Variants in RAMP3 observed in about 807,000 individuals in gnomAD.
The protein encoded by RAMP3 is receptor activity-modifying protein 3.
In RAMP3, 14 loss-of-function variants were observed where a neutral mutation model predicts 13.5. That is an observed-to-expected ratio of 1.04 (90% CI 0.69 to 1.63). The LOEUF is 1.63. Ranked by LOEUF, RAMP3 falls within the 40% of genes most tolerant of loss-of-function variation. The pLI, the probability that RAMP3 is intolerant of heterozygous loss-of-function variation, is 0.00. For synonymous variants in RAMP3, 106 were observed against 88.3 expected (o/e 1.20, Z -1.12); for missense variants, 200 against 204.8 (o/e 0.98, Z 0.14).
chr7:45,173,636 T>A (rs1384181908), intron 1 of RAMP3, among the ~76,000 whole-genome samples: 1 of 151,434 alleles, frequency 6.6e-6, no homozygotes, highest in African/African-American at 2.4e-5. Flanking sequence ...TGAGCCCTGA[T>A]GGGCTTTGGG....
At chr7:45,160,071 G>A (rs943801679) in intron 1 of RAMP3, among the ~76,000 whole-genome samples, 5 of 152,040 alleles carry the variant, frequency 3.3e-5, no homozygotes, top group African/African-American at 9.7e-5. Context: ...GGTGGCTCAC[G>A]CCTGTAATCC....
intron 1 of RAMP3, among the ~76,000 whole-genome samples, chr7:45,173,951 G>A (rs566770970): frequency 1.3e-5 from 2 of 152,234 alleles, no homozygotes; most frequent in Non-Finnish European, 2.9e-5. Flanking sequence ...CGACAGCAGG[G>A]GAGCAGTGGG....
At chr7:45,161,011 T>C (rs998131772) in intron 1 of RAMP3, among the ~76,000 whole-genome samples, 1 of 152,248 alleles carries the variant, frequency 6.6e-6, no homozygotes, top group African/African-American at 2.4e-5. Flanking sequence ...GCCTGCCTTG[T>C]GCAGGCCCAG....
In RAMP3 at chr7:45,183,555, C is replaced by T; in HGVS notation, c.*143C>T. ...ATGGGCAGACCCCTCCCTTCCTGGG[C>T]TGACCTGCTCCCTCGAGGCCAGCCT... On this transcript the variant is annotated 3_prime_UTR_variant, in exon 3 of 3. Transcript: ENST00000242249. 1 of 1,240,426 alleles carries T rather than the reference C, an allele frequency of 8.1e-7. No homozygotes were observed. The highest frequency in any genetic ancestry group is 1.4e-5 in the South Asian group (1 of 72,390). The allele number at this position is 1,240,426 out of a possible 1,614,324, so 76.8% of individuals were successfully genotyped here.
chr7:45,169,195 G>A (rs11762964), intron 1 of RAMP3, among the ~76,000 whole-genome samples: 39,997 of 152,008 alleles, frequency 0.26, 6,385 homozygotes, highest in African/African-American at 0.44. Flanking sequence ...AGGTTTTTAC[G>A]TATATATTCA....
chr7:45,161,071 T>A (rs999941872), intron 1 of RAMP3, among the ~76,000 whole-genome samples: 2 of 152,050 alleles, frequency 1.3e-5, no homozygotes, highest in Non-Finnish European at 2.9e-5. Context: ...GGTAGAGGAG[T>A]TATCCCAGAA....
intron 2 of RAMP3, among the ~76,000 whole-genome samples, chr7:45,179,831 T>C (rs1786267209): frequency 6.6e-6 from 1 of 152,110 alleles, no homozygotes; most frequent in South Asian, 2.1e-4. Flanking sequence ...GACCCTGGAA[T>C]ATCAGAGCTG....
chr7:45,173,235 T>C (rs1786114517), intron 1 of RAMP3, among the ~76,000 whole-genome samples: 1 of 152,248 alleles, frequency 6.6e-6, no homozygotes, highest in Non-Finnish European at 1.5e-5. Context: ...AGGCTTTCAG[T>C]TGTTTTCAGT....
In RAMP3 at chr7:45,157,864, C is replaced by T. The variant is rs1256328028; in HGVS notation, c.36C>T (p.Leu12=). Residue 12 remains leucine (L), a synonymous_variant, in exon 1 of 3, where the codon CTC becomes CTT. Transcript: ENST00000242249. ...GAGCGCTGCGGCGCCCGCAACTTCT[C>T]CCGTTGCTGCTGCTGCTCTGCGGTA... ...ETGALRRPQL[L]PLLLLLCGGC... 5 of 1,411,616 alleles carry T rather than the reference C, an allele frequency of 3.5e-6. No individual in the cohort carries two copies. The South Asian group carries it at 4.8e-5, about 13-fold the overall frequency. The allele number at this position is 1,411,616 out of a possible 1,614,324, so 87.4% of individuals were successfully genotyped here. A position where few individuals can be genotyped will look rare whatever the true frequency, so the allele number is the denominator to read the frequency against.
At chr7:45,166,711 C>A (rs1785969225) in intron 1 of RAMP3, among the ~76,000 whole-genome samples, 1 of 152,040 alleles carries the variant, frequency 6.6e-6, no homozygotes, top group South Asian at 2.1e-4. Flanking sequence ...TTTTTGGTGT[C>A]ATGTATAAGA....
At chr7:45,167,895 C>A (rs1321277703) in intron 1 of RAMP3, among the ~76,000 whole-genome samples, 1 of 152,022 alleles carries the variant, frequency 6.6e-6, no homozygotes, top group African/African-American at 2.4e-5. Context: ...CAACTTTGTT[C>A]TTTTTCATGA....
chr7:45,181,763 T>C (rs948190149), intron 2 of RAMP3, among the ~76,000 whole-genome samples: 6 of 152,166 alleles, frequency 3.9e-5, no homozygotes, highest in African/African-American at 1.4e-4. Flanking sequence ...GTGTCTCTAA[T>C]GCCTGGGCAT....
chr7:45,182,812 C>T (rs532388341), intron 2 of RAMP3, among the ~76,000 whole-genome samples: 201 of 152,238 alleles, frequency 1.3e-3, no homozygotes, highest in African/African-American at 4.6e-3. Flanking sequence ...ATCCAGGCAC[C>T]CTTTGGCCCT....
At chr7:45,182,465 G>T (rs1786335838) in intron 2 of RAMP3, among the ~76,000 whole-genome samples, 1 of 152,180 alleles carries the variant, frequency 6.6e-6, no homozygotes, top group South Asian at 2.1e-4. Flanking sequence ...CCCTTGGTCA[G>T]CATGAGGACT....
chr7:45,170,616 C>T (rs1422470099), intron 1 of RAMP3, among the ~76,000 whole-genome samples: 3 of 148,472 alleles, frequency 2.0e-5, no homozygotes, highest in South Asian at 2.1e-4. Flanking sequence ...GGATTACAGG[C>T]GTGAGCCTCT....
intron 2 of RAMP3, 60 bp downstream of exon 2, chr7:45,177,501 C>T: frequency 1.9e-6 from 3 of 1,606,126 alleles, no homozygotes; most frequent in South Asian, 1.1e-5. Context: ...ACTGCCCAAC[C>T]ACTGCCTGAC....
chr7:45,182,211 C>G lies in RAMP3; in HGVS notation c.192-946C>G, dbSNP rs143744562. On this transcript the variant is annotated intron_variant, in intron 2 of 2. Transcript: ENST00000242249. Reference sequence around the variant, plus strand: ...GGGGAAGCCGAGGCAGGACCCTTCACACTCCTGCATCTGTACTCATGCAGC... The same window carrying G: ...GGGGAAGCCGAGGCAGGACCCTTCAGACTCCTGCATCTGTACTCATGCAGC... Among the ~76,000 whole-genome samples the G allele has an allele frequency of 1.5e-4, 23 of 152,290 alleles. 1 individual carries two copies. Among genetic ancestry groups the G allele is most frequent in the South Asian group, 6.2e-4 (3 of 4,828 alleles).
intron 2 of RAMP3, among the ~76,000 whole-genome samples, chr7:45,180,437 A>G (rs886612248): frequency 4.6e-5 from 7 of 152,218 alleles, no homozygotes; most frequent in African/African-American, 1.4e-4. Flanking sequence ...GCTCCCCTCA[A>G]TAGGACTGGT....
intron 1 of RAMP3, among the ~76,000 whole-genome samples, chr7:45,158,142 A>G (rs1785795219): frequency 1.3e-5 from 2 of 152,306 alleles, no homozygotes; most frequent in Middle Eastern, 3.4e-3. Context: ...AGGGTCCGGC[A>G]GCCCCCGGTC....
Sources: allele counts gnomAD v4.1 joint callset (sites outside exome capture counted in the v4.1 genomes callset), GRCh38; gene constraint gnomAD v4.1.1; transcripts MANE v1.5; gene names NCBI Gene and HGNC (gene_info 2026-07-23, HGNC 2026-07-21).